The following NCKAP5 variants were observed in gnomAD, a reference collection of about 807,000 sequenced individuals.
NCKAP5 encodes nck-associated protein 5.
NCKAP5 carries 92 observed loss-of-function variants against 167.0 expected under a neutral mutation model. The ratio of observed to expected loss-of-function variants is 0.55; its 90% CI spans 0.47 to 0.66. NCKAP5 has a LOEUF of 0.66. Among genes scored for constraint, NCKAP5 ranks in the 30% least tolerant of loss-of-function variants. The pLI is 0.00. For missense variants in NCKAP5, 2,378 were observed against 2,315.0 expected (o/e 1.03, Z -0.56); for synonymous variants, 891 against 877.4 (o/e 1.02, Z -0.27).
At chr2:133,619,055 A>AT in the NCKAP5 span, among the ~76,000 whole-genome samples, 3 of 135,614 alleles carry the variant, frequency 2.2e-5, no homozygotes, top group African/African-American at 8.0e-5. Flanking sequence ...TATCTCAAGA[A>AT]CAAAAAACCA....
chr2:132,935,980 C>A (rs906081926), intron 8 of NCKAP5, among the ~76,000 whole-genome samples: 1 of 141,804 alleles, frequency 7.1e-6, no homozygotes, highest in South Asian at 2.2e-4. Context: ...TATTTTTTTT[C>A]TTTTTTTTTT....
At chr2:133,598,264 A>T in the NCKAP5 span, among the ~76,000 whole-genome samples, 2 of 152,192 alleles carry the variant, frequency 1.3e-5, no homozygotes, top group Non-Finnish European at 2.9e-5. Context: ...ATGAGTTTCT[A>T]GGCCTGAAAT....
At chr2:132,745,850 GA>G (rs549891933) in intron 16 of NCKAP5, among the ~76,000 whole-genome samples, 9 of 151,618 alleles carry the variant, frequency 5.9e-5, no homozygotes, top group African/African-American at 1.5e-4. Flanking sequence ...ATCAAAATAT[GA>G]AAAAAACACA....
Position 132,783,260 on chromosome 2 carries a change from G to C in NCKAP5, c.3551C>G (p.Ala1184Gly), listed in dbSNP as rs752467105. The change falls in exon 14 of 20, where the codon GCT becomes GGT. Residue 1184 changes from alanine (A) to glycine (G), a missense_variant. Ala to Gly is a moderately conservative substitution (Grantham distance 60). Coordinates refer to ENST00000409261, the MANE Select transcript of NCKAP5 (RefSeq NM_207363.3). Reference sequence around the variant, plus strand: ...GTCCTCTGGCTTAGACTTGTTCACAGCCACGGAACTTTTGGAGGCTTCATT... The same window carrying C: ...GTCCTCTGGCTTAGACTTGTTCACACCCACGGAACTTTTGGAGGCTTCATT... ...SLNEASKSSV[A>G]VNKSKPEDSK... The C allele has an allele frequency of 1.9e-6, 3 of 1,613,946 alleles. No individual in the cohort carries two copies. The highest frequency in any genetic ancestry group is 2.5e-6 in the Non-Finnish European group (3 of 1,179,888).
At chr2:133,309,361 T>C (rs2150603151) in intron 3 of NCKAP5, among the ~76,000 whole-genome samples, 1 of 152,264 alleles carries the variant, frequency 6.6e-6, no homozygotes, top group East Asian at 1.9e-4. Context: ...GGAAACCATT[T>C]CCTTTATATT....
chr2:132,784,440 GTGC>G lies in NCKAP5; in HGVS notation c.2368_2370del (p.Ala790del). 2 of 1,610,286 alleles carry G rather than the reference GTGC, an allele frequency of 1.2e-6. No homozygotes were observed. The highest frequency in any genetic ancestry group is 1.7e-6 in the Non-Finnish European group (2 of 1,178,468). ...TTTTGCTTTTGATAGATGCCCATGG[GTGC>G]CGAAGACCTGGAATTACTCTGGCAT... On this transcript the variant is annotated inframe_deletion, in exon 14 of 20. Transcript: ENST00000409261.
At chr2:133,318,504 CA>C (rs1293044416) in intron 3 of NCKAP5, among the ~76,000 whole-genome samples, 1 of 152,150 alleles carries the variant, frequency 6.6e-6, no homozygotes, top group African/African-American at 2.4e-5. Flanking sequence ...CTGATGTAAA[CA>C]GCACTGCTGC....
chr2:132,985,319 A>C (rs756664068), intron 7 of NCKAP5, among the ~76,000 whole-genome samples: 1 of 152,204 alleles, frequency 6.6e-6, no homozygotes, highest in East Asian at 1.9e-4. Context: ...AGAAGAATGT[A>C]CATATCTATT....
At chr2:132,889,112 T>A (rs919833447) in intron 8 of NCKAP5, among the ~76,000 whole-genome samples, 1 of 152,150 alleles carries the variant, frequency 6.6e-6, no homozygotes, top group African/African-American at 2.4e-5. Context: ...ATGAGATGCC[T>A]TGCAGAGAGA....
At chr2:133,570,537 C>G (rs533928793), upstream of NCKAP5, among the ~76,000 whole-genome samples, 46 of 152,174 alleles carry the variant, frequency 3.0e-4, no homozygotes, top group African/African-American at 8.7e-4. Flanking sequence ...ATCCAAGGAC[C>G]CACCCCTTTC....
intron 4 of NCKAP5, among the ~76,000 whole-genome samples, chr2:133,217,396 C>T (rs2086476754): frequency 6.6e-6 from 1 of 151,870 alleles, no homozygotes; most frequent in African/African-American, 2.4e-5. Context: ...TACACCAATA[C>T]CTGAATTCAC....
At chr2:132,964,830 G>A (rs753131701) in intron 7 of NCKAP5, among the ~76,000 whole-genome samples, 30 of 151,240 alleles carry the variant, frequency 2.0e-4, no homozygotes, top group Admixed American at 3.3e-4. Flanking sequence ...AGCACAAAAC[G>A]TATCATTCTT....
chr2:132,990,387 G>A (rs1158591623), intron 7 of NCKAP5, among the ~76,000 whole-genome samples: 3 of 152,158 alleles, frequency 2.0e-5, no homozygotes, highest in African/African-American at 7.2e-5. Flanking sequence ...TTGCATCTCT[G>A]GTACTTAGAC....
chr2:133,038,601 T>C lies in NCKAP5; in HGVS notation c.342-44362A>G, dbSNP rs144822801. On this transcript the variant is annotated intron_variant, in intron 6 of 19. Coordinates refer to ENST00000409261, the MANE Select transcript of NCKAP5 (RefSeq NM_207363.3). ...ATAGTCAATAACTTAATTGCACATT[T>C]AAAAATAACCTGAAGAGTGTAACTG... Among the ~76,000 whole-genome samples the C allele has an allele frequency of 2.0e-5, 3 of 152,268 alleles. No individual in the cohort carries two copies. The East Asian group carries it at 5.8e-4, about 29-fold the overall frequency.
chr2:133,441,911 A>G (rs73957100), intron 3 of NCKAP5, among the ~76,000 whole-genome samples: 4 of 152,152 alleles, frequency 2.6e-5, no homozygotes, highest in Non-Finnish European at 5.9e-5. Context: ...AGTCTCTGTC[A>G]TAAAAACTCT....
chr2:133,491,768 T>C (rs1177048218), intron 3 of NCKAP5, among the ~76,000 whole-genome samples: 3 of 152,106 alleles, frequency 2.0e-5, no homozygotes, highest in Admixed American at 1.3e-4. Flanking sequence ...TAAAGCCACA[T>C]GGGCAGAGCT....
At chr2:132,741,081 T>C (rs534054204) in intron 16 of NCKAP5, among the ~76,000 whole-genome samples, 2 of 152,196 alleles carry the variant, frequency 1.3e-5, no homozygotes, top group South Asian at 2.1e-4. Flanking sequence ...CATGCCTTTA[T>C]AGAAGTCTTT....
chr2:133,535,326 TTCCC>T (rs906646177), intron 2 of NCKAP5, among the ~76,000 whole-genome samples: 1 of 152,074 alleles, frequency 6.6e-6, no homozygotes, highest in Non-Finnish European at 1.5e-5. Context: ...TGTCTATTAT[TTCCC>T]TCTATATGTC....
At chr2:133,351,204 T>C (rs1028977699) in intron 3 of NCKAP5, among the ~76,000 whole-genome samples, 1 of 151,872 alleles carries the variant, frequency 6.6e-6, no homozygotes, top group African/African-American at 2.4e-5. Context: ...AAAAGCAAAT[T>C]GGTTAATAGC....
Sources: gnomAD v4.1 joint callset for allele counts (sites outside exome capture counted in the v4.1 genomes callset) on GRCh38, gnomAD v4.1.1 for gene constraint, MANE v1.5 for transcripts, NCBI Gene and HGNC (gene_info 2026-07-23, HGNC 2026-07-21) for gene names.